Variants in WIPF1 observed in about 807,000 individuals in gnomAD.
WIPF1 encodes WAS/WASL-interacting protein family member 1.
A neutral mutation model predicts 35.4 loss-of-function variants in WIPF1; 13 were observed. That is an observed-to-expected ratio of 0.37 (90% confidence interval 0.24 to 0.58). WIPF1 has a LOEUF of 0.58. Among genes scored for constraint, WIPF1 ranks in the 20% least tolerant of loss-of-function variants. The probability of loss-of-function intolerance (pLI) is 0.74; values close to 1 mark genes in which losing one functional copy is unlikely to be tolerated. For missense variants in WIPF1, 591 were observed against 667.0 expected, an observed-to-expected ratio of 0.89 and a Z score of 1.25; for synonymous variants, 267 against 266.3, an observed-to-expected ratio of 1.00 and a Z score of -0.02.
rs1411003314 is a variant in WIPF1, at chr2:174,590,896, G to A, written c.-38-5285C>T. Among the ~76,000 whole-genome samples, 1 of 152,158 alleles carries A rather than the reference G, an allele frequency of 6.6e-6. No individual in the cohort carries two copies. The highest frequency in any genetic ancestry group is 6.5e-5 in the Admixed American group (1 of 15,274). On this transcript the variant is annotated intron_variant, in intron 1 of 7. Coordinates refer to ENST00000679041, the MANE Select transcript of WIPF1 (RefSeq NM_001375834.1). This position sits in a 1 kb window ranked among gnomAD's most constrained non-coding sequence, Gnocchi z 4.6. Reference sequence around the variant, plus strand: ...CTACAAACACAAAGAAAACTCAAGGGACAGAAAAGGCTTTTGTTTTCACAT... The same window carrying A: ...CTACAAACACAAAGAAAACTCAAGGAACAGAAAAGGCTTTTGTTTTCACAT...
chr2:174,604,070 T>C (rs764853685), intron 1 of WIPF1, among the ~76,000 whole-genome samples: 7 of 152,236 alleles, frequency 4.6e-5, no homozygotes, highest in Non-Finnish European at 7.3e-5. Flanking sequence ...CACTCAGGTA[T>C]TCCAACGACA....
At chr2:174,615,563 G>C (rs143071100) in intron 1 of WIPF1, among the ~76,000 whole-genome samples, 2,830 of 152,280 alleles carry the variant, frequency 0.019, 83 homozygotes, top group African/African-American at 0.064. Flanking sequence ...TAAAAGCACT[G>C]TTTATGTTTG....
intron 3 of WIPF1, among the ~76,000 whole-genome samples, chr2:174,579,620 T>C (rs1331591875): frequency 1.3e-5 from 2 of 152,216 alleles, no homozygotes; most frequent in African/African-American, 4.8e-5. Context: ...TTAAACATCA[T>C]GGAAGAGAGA....
chr2:174,566,175 C>A (rs1684653314), intron 7 of WIPF1: 1 of 152,200 alleles, frequency 6.6e-6, no homozygotes, highest in Non-Finnish European at 1.5e-5. Flanking sequence ...CAGGCGTGAG[C>A]CACCATGCCC....
At chr2:174,575,518 T>A in intron 3 of WIPF1, 138 bp from the exon 4 acceptor site, 2 of 1,424,978 alleles carry the variant, frequency 1.4e-6, no homozygotes, top group Non-Finnish European at 1.8e-6. Flanking sequence ...AATGCAGGAT[T>A]TTAAGAGTTC....
chr2:174,615,750 G>A (rs1686489342), intron 1 of WIPF1, among the ~76,000 whole-genome samples: 1 of 152,140 alleles, frequency 6.6e-6, no homozygotes, highest in Non-Finnish European at 1.5e-5. Flanking sequence ...GAGTTCTGTG[G>A]AATTCTTATA....
At chr2:174,582,877 T>C (rs1037625488) in intron 2 of WIPF1, among the ~76,000 whole-genome samples, 1 of 152,250 alleles carries the variant, frequency 6.6e-6, no homozygotes, top group Non-Finnish European at 1.5e-5. Context: ...AGTTAACATA[T>C]ACTCTGTGCC....
chr2:174,607,686 C>A (rs1270422805), intron 1 of WIPF1, among the ~76,000 whole-genome samples: 1 of 152,050 alleles, frequency 6.6e-6, no homozygotes, highest in Non-Finnish European at 1.5e-5. Flanking sequence ...TGCTTGCTGT[C>A]CCCTCTTCTG....
chr2:174,577,739 A>C (rs906757553), intron 3 of WIPF1, among the ~76,000 whole-genome samples: 2 of 152,144 alleles, frequency 1.3e-5, no homozygotes, highest in African/African-American at 4.8e-5. Context: ...CAGTCTGAGC[A>C]ATATGGTGAG....
intron 1 of WIPF1, among the ~76,000 whole-genome samples, chr2:174,618,418 A>G (rs1686576144): frequency 6.6e-6 from 1 of 152,264 alleles, no homozygotes; most frequent in Non-Finnish European, 1.5e-5. Context: ...GAGCCAGTCA[A>G]TCAGTGGACT....
chr2:174,570,624 A>T (rs1413602127), intron 5 of WIPF1: 2 of 152,186 alleles, frequency 1.3e-5, no homozygotes, highest in African/African-American at 4.8e-5. Context: ...TCTGCACCCC[A>T]GACCAATTAT....
chr2:174,632,107 T>C (rs1864453), intron 1 of WIPF1, among the ~76,000 whole-genome samples: 119,449 of 152,146 alleles, frequency 0.79, 47,257 homozygotes, highest in East Asian at 0.97. Context: ...CCTTTAAACT[T>C]AACTCAGTAT....
intron 1 of WIPF1, among the ~76,000 whole-genome samples, chr2:174,635,343 G>A (rs370696831): frequency 2.0e-5 from 3 of 152,204 alleles, no homozygotes; most frequent in East Asian, 3.9e-4. Context: ...GTTCCTGGCA[G>A]CGTGTGAGTC....
intron 5 of WIPF1, among the ~76,000 whole-genome samples, chr2:174,569,567 T>C (rs10206978): frequency 0.15 from 22,674 of 152,112 alleles, 2,424 homozygotes; most frequent in African/African-American, 0.3. Context: ...CTCTCCAACC[T>C]TGTGGCACCC....
At chr2:174,566,152 A>T (rs1456526383) in intron 7 of WIPF1, 1 of 151,694 alleles carries the variant, frequency 6.6e-6, no homozygotes. Context: ...AGCCTCCCAA[A>T]GTGCTGGGAT....
intron 4 of WIPF1, among the ~76,000 whole-genome samples, chr2:174,574,179 A>T (rs982887929): frequency 1.3e-5 from 2 of 152,162 alleles, no homozygotes; most frequent in Non-Finnish European, 2.9e-5. Flanking sequence ...GGTGTGAGCC[A>T]CCATGCCTGG....
intron 1 of WIPF1, among the ~76,000 whole-genome samples, chr2:174,614,324 A>C (rs545546286): frequency 1.6e-4 from 25 of 152,302 alleles, no homozygotes; most frequent in Admixed American, 1.3e-3. Flanking sequence ...AAAATGTTCA[A>C]AGGCTTTTCG....
At chr2:174,641,739 G>T (rs1687298184) in intron 1 of WIPF1, among the ~76,000 whole-genome samples, 2 of 152,290 alleles carry the variant, frequency 1.3e-5, no homozygotes, top group South Asian at 4.2e-4. Context: ...TACCCAGGAG[G>T]GACTGGAAGA....
At chr2:174,603,120 T>C (rs1037755968) in intron 1 of WIPF1, among the ~76,000 whole-genome samples, 4 of 152,194 alleles carry the variant, frequency 2.6e-5, no homozygotes, top group African/African-American at 9.7e-5. Flanking sequence ...ATGGGCCTGC[T>C]GCACTCATCC....
Sources: allele counts gnomAD v4.1 joint callset (sites outside exome capture counted in the v4.1 genomes callset), GRCh38; gene constraint gnomAD v4.1.1; non-coding constraint Gnocchi (gnomAD v3.1); transcripts MANE v1.5; gene names NCBI Gene and HGNC (gene_info 2026-07-23, HGNC 2026-07-21).